SH3RF1: variants seen among roughly 807,000 people sequenced by gnomAD.
The protein encoded by SH3RF1 is SH3 domain containing ring finger 1, also known as E3 ubiquitin-protein ligase SH3RF1.
Under a neutral mutation model 74.0 loss-of-function variants are expected in SH3RF1, and 32 were observed. That is an observed-to-expected ratio of 0.43 (90% CI 0.33 to 0.58). SH3RF1 has a LOEUF of 0.58. Among genes scored for constraint, SH3RF1 ranks in the 20% least tolerant of loss-of-function variants. SH3RF1 has a pLI of 0.05. For synonymous variants in SH3RF1, 396 were observed against 439.6 expected (o/e 0.90, Z 1.24); for missense variants, 954 against 1,130.9 (o/e 0.84, Z 2.24).
chr4:169,174,072 T>A (rs1223242635), intron 2 of SH3RF1, among the ~76,000 whole-genome samples: 1 of 151,822 alleles, frequency 6.6e-6, no homozygotes, highest in Non-Finnish European at 1.5e-5. Flanking sequence ...TAAAAACCAA[T>A]GCTTTTCTTG....
intron 8 of SH3RF1, 92 bp downstream of exon 8, chr4:169,120,727 A>G (rs1733423063): frequency 1.4e-5 from 19 of 1,355,508 alleles, no homozygotes; most frequent in Non-Finnish European, 1.9e-5. Flanking sequence ...AGGCAATTAT[A>G]ATGTGAAAGG....
At chr4:169,226,081 T>A (rs986535166) in intron 2 of SH3RF1, among the ~76,000 whole-genome samples, 1 of 152,182 alleles carries the variant, frequency 6.6e-6, no homozygotes, top group Non-Finnish European at 1.5e-5. Flanking sequence ...TTCTGACTAA[T>A]GCCATTATTC....
chr4:169,196,209 T>C (rs1734808688), intron 2 of SH3RF1, among the ~76,000 whole-genome samples: 1 of 152,230 alleles, frequency 6.6e-6, no homozygotes, highest in Non-Finnish European at 1.5e-5. Flanking sequence ...TTTTTGCTGA[T>C]ATTTTCTTCC....
chr4:169,187,133 T>C (rs370970701), intron 2 of SH3RF1, among the ~76,000 whole-genome samples: 82 of 152,348 alleles, frequency 5.4e-4, no homozygotes, highest in African/African-American at 1.9e-3. Flanking sequence ...CTGCAACTCT[T>C]TTCCTAGTTT....
Position 169,173,395 on chromosome 4 carries a change from T to C in SH3RF1, c.394-16716A>G, listed in dbSNP as rs76450993. Among the ~76,000 whole-genome samples, 789 of 151,630 alleles carry C rather than the reference T, an allele frequency of 5.2e-3. 6 individuals carry two copies. The highest frequency in any genetic ancestry group is 0.018 in the African/African-American group (754 of 41,256). On this transcript the variant is annotated intron_variant, in intron 2 of 11. Transcript: ENST00000284637. The stretch of plus-strand genomic sequence containing the variant: ...CTTGTTATTCAGACTGTATGTCTTA[T>C]AATAAATACAAGCTTGCTGTGCTAA...
At chr4:169,166,760 G>A (rs534664865) in intron 2 of SH3RF1, 8 of 211,340 alleles carry the variant, frequency 3.8e-5, no homozygotes, top group African/African-American at 7.5e-5. Context: ...TGGTTTTCCC[G>A]AAGCAGCTGG....
chr4:169,107,122 G>A lies in SH3RF1; in HGVS notation c.2223C>T (p.Thr741=), dbSNP rs1733158636. The A allele has an allele frequency of 6.2e-7, 1 of 1,612,086 alleles. No homozygotes were observed. The highest frequency in any genetic ancestry group is 8.5e-7 in the Non-Finnish European group (1 of 1,178,604). Residue 741 remains threonine (T), a synonymous_variant, in exon 11 of 12, where the codon ACC becomes ACT. Coordinates refer to ENST00000284637, the MANE Select transcript of SH3RF1 (RefSeq NM_020870.4). ...KPRVSPPASP[T]LEVELGSAEL... is the part of the protein sequence containing the mutation. The stretch of plus-strand genomic sequence containing the variant: ...CTGCACTGCCCAGCTCCACTTCTAG[G>A]GTGGGCGATGCTGGAGGAGACACGC...
chr4:169,201,021 G>C (rs920299410), intron 2 of SH3RF1, among the ~76,000 whole-genome samples: 3 of 151,818 alleles, frequency 2.0e-5, no homozygotes, highest in African/African-American at 7.3e-5. Flanking sequence ...AAACACAACA[G>C]GATTCCAAAT....
intron 2 of SH3RF1, among the ~76,000 whole-genome samples, chr4:169,257,981 A>G (rs761643252): frequency 3.3e-5 from 5 of 152,214 alleles, no homozygotes; most frequent in Non-Finnish European, 5.9e-5. Context: ...TGAGAGCCAC[A>G]TGTCACCTCA....
intron 2 of SH3RF1, among the ~76,000 whole-genome samples, chr4:169,235,969 C>T (rs1730817740): frequency 1.3e-5 from 2 of 152,230 alleles, no homozygotes; most frequent in South Asian, 4.1e-4. Flanking sequence ...GCGTGAGCCA[C>T]CGTGCCTGGC....
rs2126931798 is a variant in SH3RF1, at chr4:169,095,887, TCTCTC to T, written c.*627_*631del. 6.6e-6 allele frequency: 1 copy of T among 152,320 alleles called. No homozygotes were observed. Among genetic ancestry groups the T allele is most frequent in the African/African-American group, 2.4e-5 (1 of 41,578 alleles). The allele number at this position is 152,320 out of a possible 1,614,324, so 9.4% of individuals were successfully genotyped here. On this transcript the variant is annotated 3_prime_UTR_variant, in exon 12 of 12. Coordinates refer to ENST00000284637, the MANE Select transcript of SH3RF1 (RefSeq NM_020870.4). ...AAGAGAGGGAATCACTAACTTCTCT[TCTCTC>T]AAGTTTCTGTCTCTCTACCCCAGGC...
chr4:169,159,509 T>C (rs570170329), intron 2 of SH3RF1, among the ~76,000 whole-genome samples: 31 of 152,290 alleles, frequency 2.0e-4, no homozygotes, highest in African/African-American at 7.5e-4. Context: ...CAGAGCCAGA[T>C]TGCAGGGTGT....
rs1480376215 is a variant in SH3RF1 at position 169,094,942 on chromosome 4, T to C, written c.*1577A>G. The C allele has an allele frequency of 1.3e-5, 2 of 152,548 alleles. No individual in the cohort carries two copies. The highest frequency in any genetic ancestry group is 1.9e-4 in the East Asian group (1 of 5,180). 9.4% of individuals were successfully genotyped at this position (152,548 alleles called of 1,614,324 possible). A position where few individuals can be genotyped will look rare whatever the true frequency, so the allele number is the denominator to read the frequency against. The stretch of plus-strand genomic sequence containing the variant: ...AAAAAAAAAAGATGAAAGGGTTTAT[T>C]ATGTATTTCCCATGAGAAAACTGTG... On this transcript the variant is annotated 3_prime_UTR_variant, in exon 12 of 12. Transcript: ENST00000284637.
At chr4:169,168,434 A>C (rs904121509) in intron 2 of SH3RF1, among the ~76,000 whole-genome samples, 3 of 152,220 alleles carry the variant, frequency 2.0e-5, no homozygotes, top group African/African-American at 7.2e-5. Flanking sequence ...CAGTAGAGAG[A>C]GATAAAGATG....
At chr4:169,185,232 C>T (rs1376878604) in intron 2 of SH3RF1, among the ~76,000 whole-genome samples, 1 of 152,192 alleles carries the variant, frequency 6.6e-6, no homozygotes, top group Non-Finnish European at 1.5e-5. Context: ...AAGGCAGATA[C>T]GGCCTCTGCA....
chr4:169,158,960 T>C (rs1734106024), intron 2 of SH3RF1, among the ~76,000 whole-genome samples: 1 of 152,214 alleles, frequency 6.6e-6, no homozygotes, highest in South Asian at 2.1e-4. Flanking sequence ...TGTGATGTTG[T>C]AGTTGGTTAA....
Position 169,120,881 on chromosome 4 carries a change from C to T in SH3RF1, c.1455G>A (p.Gly485=). The change falls in exon 8 of 12, where the codon GGG becomes GGA. Residue 485 remains glycine, a synonymous_variant. Transcript: ENST00000284637. ...FERCQDGWFK[G]TSMHTSKIGV... The stretch of plus-strand genomic sequence containing the variant: ...CTATCTTGCTGGTATGCATGGATGT[C>T]CCTTTGAACCAGCCATCCTGGCAGC... 6.2e-7 allele frequency: 1 copy of T among 1,614,196 alleles called. No homozygotes were observed.
chr4:169,269,028 T>C lies in SH3RF1; in HGVS notation c.185A>G (p.Glu62Gly). Reference sequence around the variant, plus strand: ...GACCAGCAAGATGTTACTGGGAAGCTCCTCGACACCCGAGCCAACAAGAGT... The same window carrying C: ...GACCAGCAAGATGTTACTGGGAAGCCCCTCGACACCCGAGCCAACAAGAGT... ...CRTLVGSGVE[E>G]LPSNILLVRL... The change falls in exon 2 of 12, where the codon GAG (glutamate) becomes GGG (glycine). Residue 62 changes from glutamate to glycine, a missense_variant. By Grantham distance (98) the Glu-to-Gly change is moderately conservative (BLOSUM62 -2). Coordinates refer to ENST00000284637, the MANE Select transcript of SH3RF1 (RefSeq NM_020870.4). 6.2e-7 allele frequency: 1 copy of C among 1,614,108 alleles called. No homozygotes were observed. The highest frequency in any genetic ancestry group is 8.5e-7 in the Non-Finnish European group (1 of 1,180,014).
At chr4:169,127,003 T>C (rs1440668743) in intron 6 of SH3RF1, among the ~76,000 whole-genome samples, 1 of 152,232 alleles carries the variant, frequency 6.6e-6, no homozygotes, top group East Asian at 1.9e-4. Flanking sequence ...TCTTGGCTGG[T>C]CCAGAGGATC....
Sources: allele counts gnomAD v4.1 joint callset (sites outside exome capture counted in the v4.1 genomes callset), GRCh38; gene constraint gnomAD v4.1.1; transcripts MANE v1.5; gene names NCBI Gene and HGNC (gene_info 2026-07-23, HGNC 2026-07-21).